CDKAL1: variants seen among roughly 807,000 people sequenced by gnomAD.
CDKAL1 encodes threonylcarbamoyladenosine tRNA methylthiotransferase.
Under a neutral mutation model 68.2 loss-of-function variants are expected in CDKAL1, and 32 were observed. The observed-to-expected ratio is 0.47, with a 90% confidence interval of 0.35 to 0.63. The LOEUF (loss-of-function observed/expected upper bound fraction) is 0.63, where lower values mean the gene tolerates loss of function less well. Ranked by LOEUF, CDKAL1 falls within the 30% of genes least tolerant of loss-of-function variation. The pLI, the probability that CDKAL1 is intolerant of heterozygous loss-of-function variation, is 0.00. For synonymous variants in CDKAL1, 234 were observed against 244.3 expected, an observed-to-expected ratio of 0.96 and a Z score of 0.39; for missense variants, 606 against 696.7, an observed-to-expected ratio of 0.87 and a Z score of 1.47.
intron 4 of CDKAL1, among the ~76,000 whole-genome samples, chr6:20,637,684 G>C (rs1223542044): frequency 3.3e-5 from 5 of 152,130 alleles, no homozygotes; most frequent in Non-Finnish European, 5.9e-5. Flanking sequence ...AATGAAAGTA[G>C]AAGTCATACA....
intron 4 of CDKAL1, among the ~76,000 whole-genome samples, chr6:20,551,565 T>G: frequency 6.6e-6 from 1 of 151,364 alleles, no homozygotes; most frequent in East Asian, 2.0e-4. Flanking sequence ...AGAGACGGGG[T>G]TTCACCGTGT....
intron 11 of CDKAL1, among the ~76,000 whole-genome samples, chr6:21,027,973 G>A (rs1769054356): frequency 6.6e-6 from 1 of 152,162 alleles, no homozygotes; most frequent in Admixed American, 6.5e-5. Context: ...GTGGTGCTAA[G>A]GAGAACCAGA....
intron 11 of CDKAL1, among the ~76,000 whole-genome samples, chr6:21,050,656 T>C (rs915437841): frequency 6.6e-6 from 1 of 152,166 alleles, no homozygotes; most frequent in African/African-American, 2.4e-5. Flanking sequence ...AAGGTGGGCA[T>C]GACAGTGTAG....
intron 10 of CDKAL1, among the ~76,000 whole-genome samples, chr6:20,957,923 A>G (rs1036134841): frequency 3.4e-5 from 5 of 145,140 alleles, no homozygotes; most frequent in Admixed American, 7.1e-5. Flanking sequence ...GTGAGCCAAG[A>G]TTGTGCCACT....
In CDKAL1 at chr6:21,125,565, G is replaced by A. The variant is rs531445819; in HGVS notation, c.1299+17102G>A. 3.4e-3 allele frequency among the ~76,000 whole-genome samples: 511 copies of A among 152,202 alleles called. 1 individual carries two copies. The highest frequency in any genetic ancestry group is 0.011 in the African/African-American group (471 of 41,536). On this transcript the variant is annotated intron_variant, in intron 13 of 15. Transcript: ENST00000274695. Reference sequence around the variant, plus strand: ...TGCTTGCCTGTAATCCCAGCTACTCGGGAGGCTGAGGCAGGAGAATCGCTT... The same window carrying A: ...TGCTTGCCTGTAATCCCAGCTACTCAGGAGGCTGAGGCAGGAGAATCGCTT...
chr6:21,222,308 A>G (rs1293989429), intron 15 of CDKAL1, among the ~76,000 whole-genome samples: 1 of 152,204 alleles, frequency 6.6e-6, no homozygotes, highest in East Asian at 1.9e-4. Flanking sequence ...TCGCATGAAT[A>G]ATGTCTGATG....
intron 2 of CDKAL1, among the ~76,000 whole-genome samples, chr6:20,536,708 T>A (rs965054): frequency 0.26 from 39,773 of 152,184 alleles, 5,880 homozygotes; most frequent in East Asian, 0.53. Context: ...TTTTCATTTC[T>A]GGCTGGGCAT....
chr6:21,108,489 T>C (rs1186519408), intron 13 of CDKAL1, 26 bp downstream of exon 13: 1 of 1,464,538 alleles, frequency 6.8e-7, no homozygotes, highest in Non-Finnish European at 9.4e-7. Context: ...TAATAGCATA[T>C]TAAGTATTAA....
At chr6:21,160,880 G>A (rs1006135680) in intron 13 of CDKAL1, among the ~76,000 whole-genome samples, 9 of 151,330 alleles carry the variant, frequency 5.9e-5, no homozygotes, top group East Asian at 2.0e-4. Flanking sequence ...CCCACTCTCC[G>A]ATGGGCTCTG....
intron 4 of CDKAL1, among the ~76,000 whole-genome samples, chr6:20,591,629 A>G (rs1765597456): frequency 6.6e-6 from 1 of 152,166 alleles, no homozygotes; most frequent in South Asian, 2.1e-4. Context: ...TAAATAGGGA[A>G]TCCTTTCCCC....
At chr6:21,202,707 A>G (rs571773725) in intron 15 of CDKAL1, among the ~76,000 whole-genome samples, 76 of 152,320 alleles carry the variant, frequency 5.0e-4, no homozygotes, top group African/African-American at 1.7e-3. Context: ...GGAGTATTGT[A>G]AACATCACCA....
At chr6:20,625,712 A>ACAGTCAATGAAT (rs1767398833) in intron 4 of CDKAL1, among the ~76,000 whole-genome samples, 1 of 152,156 alleles carries the variant, frequency 6.6e-6, no homozygotes, top group African/African-American at 2.4e-5. Flanking sequence ...TAAGGCATTG[A>ACAGTCAATGAAT]CAGTCAATGA....
At chr6:21,205,628 T>C (rs1268507539) in intron 15 of CDKAL1, among the ~76,000 whole-genome samples, 3 of 151,568 alleles carry the variant, frequency 2.0e-5, no homozygotes, top group Non-Finnish European at 4.4e-5. Context: ...CCTCCTGGGT[T>C]CACGCCATTC....
chr6:21,122,485 C>A (rs1369476719), intron 13 of CDKAL1, among the ~76,000 whole-genome samples: 1 of 152,118 alleles, frequency 6.6e-6, no homozygotes, highest in Non-Finnish European at 1.5e-5. Flanking sequence ...AGACTTTTCT[C>A]ACATTAGACT....
intron 13 of CDKAL1, among the ~76,000 whole-genome samples, chr6:21,180,410 A>G (rs2151085545): frequency 6.6e-6 from 1 of 150,484 alleles, no homozygotes; most frequent in Non-Finnish European, 1.5e-5. Flanking sequence ...ACCAAATAAT[A>G]CGTCAACTGG....
chr6:21,205,103 C>T (rs1055195300), intron 15 of CDKAL1, among the ~76,000 whole-genome samples: 2 of 152,204 alleles, frequency 1.3e-5, no homozygotes, highest in Non-Finnish European at 2.9e-5. Context: ...CCTCAGGGTT[C>T]ATCCATGTTG....
intron 13 of CDKAL1, among the ~76,000 whole-genome samples, chr6:21,111,912 T>C (rs1342713805): frequency 6.6e-6 from 1 of 152,214 alleles, no homozygotes; most frequent in Admixed American, 6.5e-5. Flanking sequence ...GCAGATAATC[T>C]GGTTATATTT....
At chr6:20,717,634 A>G (rs1021221505) in intron 5 of CDKAL1, among the ~76,000 whole-genome samples, 1 of 152,128 alleles carries the variant, frequency 6.6e-6, no homozygotes, top group African/African-American at 2.4e-5. Flanking sequence ...AATATAAAAT[A>G]TTTTATTTTA....
At chr6:20,571,030 C>T (rs1235163178) in intron 4 of CDKAL1, among the ~76,000 whole-genome samples, 1 of 152,138 alleles carries the variant, frequency 6.6e-6, no homozygotes, top group African/African-American at 2.4e-5. Context: ...TGTTAGCACC[C>T]TCACTGGGGA....
Sources: allele counts gnomAD v4.1 joint callset (sites outside exome capture counted in the v4.1 genomes callset), GRCh38; gene constraint gnomAD v4.1.1; transcripts MANE v1.5; gene names NCBI Gene and HGNC (gene_info 2026-07-23, HGNC 2026-07-21).